Variants in PXYLP1 observed in about 807,000 individuals in gnomAD.
PXYLP1 encodes the protein 2-phosphoxylose phosphatase 1.
Under a neutral mutation model 37.9 loss-of-function variants are expected in PXYLP1, and 17 were observed. The observed-to-expected ratio is 0.45, with a 90% confidence interval of 0.31 to 0.67. The LOEUF (loss-of-function observed/expected upper bound fraction) is 0.67, where lower values mean the gene tolerates loss of function less well. Among genes scored for constraint, PXYLP1 ranks in the 30% least tolerant of loss-of-function variants. The pLI is 0.07. For missense variants in PXYLP1, 511 were observed against 612.0 expected (o/e 0.84, Z 1.74); for synonymous variants, 221 against 232.2 (o/e 0.95, Z 0.44).
At chr3:141,234,025 T>C (rs1940598433) in intron 1 of PXYLP1, among the ~76,000 whole-genome samples, 1 of 152,142 alleles carries the variant, frequency 6.6e-6, no homozygotes, top group Admixed American at 6.5e-5. Context: ...CCCCCCTGTC[T>C]ACCACATAGG....
intron 1 of PXYLP1, chr3:141,235,452 A>C (rs1478806269): frequency 6.6e-6 from 1 of 152,206 alleles, no homozygotes; most frequent in Non-Finnish European, 1.5e-5. Flanking sequence ...CAATGGAGGA[A>C]GCTTCCAGGG....
At chr3:141,245,001 A>T (rs1321501101) in intron 1 of PXYLP1, among the ~76,000 whole-genome samples, 3 of 149,772 alleles carry the variant, frequency 2.0e-5, no homozygotes, top group Non-Finnish European at 4.4e-5. Context: ...GTGAGAGGTG[A>T]ATTTTTTTGG....
chr3:141,244,712 G>C (rs1940895085), intron 1 of PXYLP1, among the ~76,000 whole-genome samples: 1 of 150,790 alleles, frequency 6.6e-6, no homozygotes, highest in African/African-American at 2.4e-5. Context: ...GTGTTCCATT[G>C]TTTGGACAAA....
At chr3:141,269,197 T>C (rs1257849604) in intron 2 of PXYLP1, among the ~76,000 whole-genome samples, 2 of 152,242 alleles carry the variant, frequency 1.3e-5, no homozygotes, top group Non-Finnish European at 2.9e-5. Flanking sequence ...TTTGGTGGCC[T>C]CAGTGGGTTG....
chr3:141,272,527 G>T (rs1941688204), intron 2 of PXYLP1: 1 of 133,300 alleles, frequency 7.5e-6, no homozygotes, highest in South Asian at 2.2e-4. Flanking sequence ...AGCTGTTATT[G>T]ACCACTCCTG....
intron 1 of PXYLP1, among the ~76,000 whole-genome samples, chr3:141,232,654 A>T (rs1368618016): frequency 1.3e-5 from 2 of 152,032 alleles, no homozygotes; most frequent in Admixed American, 6.6e-5. Context: ...CTTTTAAATA[A>T]GCTGGGTTTG....
At chr3:141,248,049 G>A (rs1941005960) in intron 1 of PXYLP1, among the ~76,000 whole-genome samples, 1 of 143,912 alleles carries the variant, frequency 6.9e-6, no homozygotes, top group African/African-American at 2.6e-5. Flanking sequence ...TTGAGATGGA[G>A]TCCCACTCTG....
chr3:141,235,535 G>A (rs1357776946), intron 1 of PXYLP1: 1 of 152,194 alleles, frequency 6.6e-6, no homozygotes, highest in Admixed American at 6.5e-5. Context: ...CTCACCTGAG[G>A]TGCTGAGGGG....
intron 4 of PXYLP1, among the ~76,000 whole-genome samples, chr3:141,281,628 A>AG (rs1274006098): frequency 1.3e-5 from 2 of 152,224 alleles, no homozygotes; most frequent in East Asian, 3.9e-4. Flanking sequence ...GAGCCAGAAG[A>AG]GGGGCAGCCT....
chr3:141,267,616 T>TG (rs1941549483), intron 2 of PXYLP1: 1 of 80,840 alleles, frequency 1.2e-5, no homozygotes, highest in South Asian at 4.5e-4. Context: ...TATCTGCAGG[T>TG]GAAAAAAAAA....
chr3:141,262,311 G>C (rs1380240266), intron 2 of PXYLP1: 1 of 1,003,720 alleles, frequency 1.0e-6, no homozygotes, highest in African/African-American at 1.7e-5. Flanking sequence ...CAAATGAATT[G>C]TAAAATCTGA....
intron 2 of PXYLP1, among the ~76,000 whole-genome samples, chr3:141,269,702 G>T (rs940642057): frequency 1.3e-5 from 2 of 152,196 alleles, no homozygotes; most frequent in Admixed American, 1.3e-4. Context: ...AAAGATGAGG[G>T]TCATAACCTT....
intron 1 of PXYLP1, among the ~76,000 whole-genome samples, chr3:141,238,920 A>G (rs11712552): frequency 0.18 from 26,628 of 152,028 alleles, 2,889 homozygotes; most frequent in African/African-American, 0.3. Flanking sequence ...GTAGGCTGAG[A>G]AGGAGGAAGA....
intron 1 of PXYLP1, among the ~76,000 whole-genome samples, chr3:141,240,317 A>G (rs1006598552): frequency 6.6e-6 from 1 of 152,124 alleles, no homozygotes; most frequent in African/African-American, 2.4e-5. Context: ...TGGTTCAAAT[A>G]TGGTAGGCAT....
intron 1 of PXYLP1, among the ~76,000 whole-genome samples, chr3:141,255,697 A>G (rs1188794991): frequency 6.6e-6 from 1 of 152,216 alleles, no homozygotes; most frequent in Admixed American, 6.5e-5. Context: ...CAGAGCTCCT[A>G]TGGAAAGAAG....
At chr3:141,287,221 G>C (rs1942097106) in intron 4 of PXYLP1, 93 bp from the exon 5 acceptor site, 1 of 1,396,866 alleles carries the variant, frequency 7.2e-7, no homozygotes, top group African/African-American at 1.4e-5. Context: ...GCAAAAGGCT[G>C]CGATACACGT....
chr3:141,261,474 CCAATAAAG>C (rs1296622729), intron 2 of PXYLP1, among the ~76,000 whole-genome samples: 9 of 152,096 alleles, frequency 5.9e-5, no homozygotes, highest in African/African-American at 2.2e-4. Context: ...TAATAAGCAA[CCAATAAAG>C]CAATTAAATA....
intron 1 of PXYLP1, among the ~76,000 whole-genome samples, chr3:141,254,251 C>T (rs925793374): frequency 1.3e-5 from 2 of 152,172 alleles, no homozygotes; most frequent in African/African-American, 2.4e-5. Context: ...GGTCTTGTAT[C>T]GTTTCTCCCA....
At chr3:141,249,186 C>T (rs982538075) in intron 1 of PXYLP1, among the ~76,000 whole-genome samples, 3 of 152,150 alleles carry the variant, frequency 2.0e-5, no homozygotes, top group African/African-American at 7.2e-5. Flanking sequence ...CTACAGGGCT[C>T]CTGGTGCCCC....
Sources: allele counts gnomAD v4.1 joint callset (sites outside exome capture counted in the v4.1 genomes callset), GRCh38; gene constraint gnomAD v4.1.1; transcripts MANE v1.5; gene names NCBI Gene and HGNC (gene_info 2026-07-23, HGNC 2026-07-21).